Variants in SH3RF3 observed in about 807,000 individuals in gnomAD.
SH3RF3 encodes E3 ubiquitin-protein ligase SH3RF3.
A neutral mutation model predicts 66.3 loss-of-function variants in SH3RF3; 29 were observed. That is an observed-to-expected ratio of 0.44 (90% confidence interval 0.33 to 0.60). SH3RF3 has a LOEUF of 0.60. Among genes scored for constraint, SH3RF3 ranks in the 20% least tolerant of loss-of-function variants. The pLI is 0.04. For synonymous variants in SH3RF3, 583 were observed against 532.0 expected (o/e 1.10, Z -1.32); for missense variants, 1,194 against 1,190.9 (o/e 1.00, Z -0.04).
At chr2:109,338,386 C>T (rs367943564) in intron 1 of SH3RF3, among the ~76,000 whole-genome samples, 2 of 152,018 alleles carry the variant, frequency 1.3e-5, no homozygotes, top group East Asian at 1.9e-4. Context: ...CCAGTTCTAA[C>T]ACAGGCCTCC....
chr2:109,351,175 A>G (rs1158025790), intron 2 of SH3RF3, among the ~76,000 whole-genome samples: 2 of 152,252 alleles, frequency 1.3e-5, no homozygotes, highest in Non-Finnish European at 2.9e-5. Context: ...ACAGGCAGGA[A>G]GAGCTGTGGG....
intron 7 of SH3RF3, among the ~76,000 whole-genome samples, chr2:109,439,619 T>C (rs988043156): frequency 6.6e-6 from 1 of 152,158 alleles, no homozygotes; most frequent in African/African-American, 2.4e-5. Flanking sequence ...ACTTGATTAA[T>C]GTAACTCCTT....
At chr2:109,381,391 A>G (rs1438083116) in intron 3 of SH3RF3, among the ~76,000 whole-genome samples, 1 of 152,124 alleles carries the variant, frequency 6.6e-6, no homozygotes, top group Non-Finnish European at 1.5e-5. Flanking sequence ...TTTTACACCT[A>G]ACTTTAGCTC....
chr2:109,494,189 T>C (rs1442287589), intron 9 of SH3RF3, among the ~76,000 whole-genome samples: 1 of 152,198 alleles, frequency 6.6e-6, no homozygotes, highest in Non-Finnish European at 1.5e-5. Context: ...AGACCCTGTT[T>C]CTATAAAGTC....
chr2:109,306,715 C>T (rs1420333620), intron 1 of SH3RF3, among the ~76,000 whole-genome samples: 1 of 152,236 alleles, frequency 6.6e-6, no homozygotes, highest in Non-Finnish European at 1.5e-5. Flanking sequence ...ACCTGGATGG[C>T]AGAATCACAT....
intron 5 of SH3RF3, among the ~76,000 whole-genome samples, chr2:109,428,115 G>A (rs571661720): frequency 1.3e-4 from 20 of 152,362 alleles, no homozygotes; most frequent in African/African-American, 4.8e-4. Flanking sequence ...CTAGATGGAA[G>A]AGGTGAGGAG....
intron 1 of SH3RF3, among the ~76,000 whole-genome samples, chr2:109,270,064 C>T (rs192679720): frequency 5.3e-5 from 8 of 152,312 alleles, no homozygotes; most frequent in Admixed American, 6.5e-5. Flanking sequence ...AGCAGGATGC[C>T]GTGAGCTTGG....
intron 1 of SH3RF3, among the ~76,000 whole-genome samples, chr2:109,249,519 T>TCTTTC (rs1680016173): frequency 1.6e-5 from 1 of 61,900 alleles, no homozygotes; most frequent in Non-Finnish European, 3.3e-5. Context: ...CATTCTTTCT[T>TCTTTC]TTTCTTTCTT....
chr2:109,224,329 A>G lies in SH3RF3; in HGVS notation c.573+94216A>G, dbSNP rs565543930. ...AAAACTATATGTCACATATTGGACA[A>G]ATAAGCACATTTTCAGATACGCATG... is the stretch of plus-strand genomic sequence containing the variant. On this transcript the variant is annotated intron_variant, in intron 1 of 9. Coordinates refer to ENST00000309415, the MANE Select transcript of SH3RF3 (RefSeq NM_001099289.3). Among the ~76,000 whole-genome samples the G allele has an allele frequency of 6.6e-5, 10 of 152,380 alleles. No homozygotes were observed. The East Asian group carries it at 1.5e-3, about 24-fold the overall frequency.
chr2:109,246,088 C>T (rs1679908357), intron 1 of SH3RF3, among the ~76,000 whole-genome samples: 1 of 152,244 alleles, frequency 6.6e-6, no homozygotes, highest in Non-Finnish European at 1.5e-5. Flanking sequence ...TAACATTGGG[C>T]AAGTTACTTA....
chr2:109,167,316 C>T (rs1241315184), intron 1 of SH3RF3, among the ~76,000 whole-genome samples: 1 of 152,164 alleles, frequency 6.6e-6, no homozygotes, highest in African/African-American at 2.4e-5. Flanking sequence ...CCAATTAGAA[C>T]AAGACTTCTC....
At chr2:109,301,135 C>G (rs562493552) in intron 1 of SH3RF3, among the ~76,000 whole-genome samples, 91 of 152,352 alleles carry the variant, frequency 6.0e-4, no homozygotes, top group African/African-American at 2.0e-3. Context: ...GGCCAGCTCA[C>G]TAGCTGCAAG....
Position 109,145,186 on chromosome 2 carries a change from C to T in SH3RF3, c.573+15073C>T, listed in dbSNP as rs186071042. ...GGGGCAGTTCACTCCTGCCTTTCTG[C>T]TGCTTCTGAGACAGAGCCGTGTCCT... On this transcript the variant is annotated intron_variant, in intron 1 of 9. Transcript: ENST00000309415. Among the ~76,000 whole-genome samples, 168 of 152,314 alleles carry T rather than the reference C, an allele frequency of 1.1e-3. 2 individuals are homozygous for T. The highest frequency in any genetic ancestry group is 3.9e-3 in the African/African-American group (162 of 41,574).
chr2:109,130,246 T>G, intron 1 of SH3RF3, 133 bp downstream of exon 1: 2 of 865,598 alleles, frequency 2.3e-6, no homozygotes, highest in Admixed American at 4.4e-5. Flanking sequence ...GCTGTTGCTC[T>G]TCCTCCAACT....
chr2:109,250,401 A>T (rs926446794), intron 1 of SH3RF3, among the ~76,000 whole-genome samples: 2 of 152,074 alleles, frequency 1.3e-5, no homozygotes, highest in African/African-American at 4.8e-5. Flanking sequence ...CTTGTATTAT[A>T]TACAACTTCG....
At chr2:109,449,852 A>C (rs1187110899) in intron 8 of SH3RF3, among the ~76,000 whole-genome samples, 1 of 152,256 alleles carries the variant, frequency 6.6e-6, no homozygotes, top group Non-Finnish European at 1.5e-5. Context: ...ATATTGTAAT[A>C]ATAAATATAC....
rs114360583 is a variant in SH3RF3, at chr2:109,405,002, A to G, written c.1299+6059A>G. 6.5e-3 allele frequency among the ~76,000 whole-genome samples: 955 copies of G among 147,672 alleles called. 9 individuals carry two copies. Among genetic ancestry groups the G allele is most frequent in the African/African-American group, 0.023 (913 of 39,718 alleles). On this transcript the variant is annotated intron_variant, in intron 4 of 9. Coordinates refer to ENST00000309415, the MANE Select transcript of SH3RF3 (RefSeq NM_001099289.3). ...CTCTTTCTAACCCCTATGTCTACAC[A>G]AATACCCCCCACCTTCTCTTCCCCT...
intron 8 of SH3RF3, among the ~76,000 whole-genome samples, chr2:109,465,182 C>T (rs79737259): frequency 0.03 from 4,583 of 152,228 alleles, 99 homozygotes; most frequent in African/African-American, 0.052. Flanking sequence ...AATAATATTC[C>T]ATTGTCCAGA....
chr2:109,178,398 G>A (rs954677374), intron 1 of SH3RF3, among the ~76,000 whole-genome samples: 1 of 152,124 alleles, frequency 6.6e-6, no homozygotes, highest in African/African-American at 2.4e-5. Context: ...AATATTGGTG[G>A]TATGCTTTAG....
Sources: gnomAD v4.1 joint callset for allele counts (sites outside exome capture counted in the v4.1 genomes callset) on GRCh38, gnomAD v4.1.1 for gene constraint, MANE v1.5 for transcripts, NCBI Gene and HGNC (gene_info 2026-07-23, HGNC 2026-07-21) for gene names.